The following ZNF423 variants were observed in gnomAD, a reference collection of about 807,000 sequenced individuals.
ZNF423 encodes the protein Ebf-associated zinc finger protein.
A neutral mutation model predicts 95.8 loss-of-function variants in ZNF423; 12 were observed. The observed-to-expected ratio is 0.13, with a 90% CI of 0.08 to 0.20. The LOEUF (loss-of-function observed/expected upper bound fraction) is 0.20, where lower values mean the gene tolerates loss of function less well. Ranked by LOEUF, ZNF423 falls within the 10% of genes least tolerant of loss-of-function variation. The pLI is 1.00. For synonymous variants in ZNF423, 749 were observed against 711.9 expected (o/e 1.05, Z -0.83); for missense variants, 1,316 against 1,737.1 (o/e 0.76, Z 4.31).
intron 5 of ZNF423, among the ~76,000 whole-genome samples, chr16:49,608,922 T>C (rs1971626961): frequency 6.6e-6 from 1 of 152,164 alleles, no homozygotes; most frequent in Non-Finnish European, 1.5e-5. Context: ...TTCCCATCCC[T>C]GTTAATGTGG....
chr16:49,854,464 G>A lies in ZNF423; in HGVS notation c.40+1271C>T, dbSNP rs1415197957. 4.1e-6 allele frequency: 4 copies of A among 985,322 alleles called. No homozygotes were observed. The African/African-American group carries it at 7.0e-5, about 17-fold the overall frequency. The allele number at this position is 985,322 out of a possible 1,614,324, so 61.0% of individuals were successfully genotyped here. A position where few individuals can be genotyped will look rare whatever the true frequency, so the allele number is the denominator to read the frequency against. On this transcript the variant is annotated intron_variant, in intron 1 of 7. Transcript: ENST00000563137. ...GAGCGGGGCCCCAGCGCCTTCCCGC[G>A]CAGGCCTCCAGGAAATGAACTTTTC...
chr16:49,575,848 A>G (rs7190527), intron 5 of ZNF423, among the ~76,000 whole-genome samples: 73,081 of 152,048 alleles, frequency 0.48, 17,938 homozygotes, highest in East Asian at 0.76. Flanking sequence ...CAGATGGTGT[A>G]GGTCACTGGC....
intron 1 of ZNF423, among the ~76,000 whole-genome samples, chr16:49,832,263 T>A (rs941854975): frequency 6.6e-6 from 1 of 152,230 alleles, no homozygotes; most frequent in Non-Finnish European, 1.5e-5. Flanking sequence ...CCAAGCCAGC[T>A]GACCGAGCTG....
chr16:49,756,047 A>T lies in ZNF423; in HGVS notation c.101-25076T>A, dbSNP rs371250756. On this transcript the variant is annotated intron_variant, in intron 2 of 7. Transcript: ENST00000563137. Reference sequence around the variant, plus strand: ...CAGACTGAAAGCCAGGCTGAGTCCAAGGTTCAGGTAGAAGAAATAGGGAGC... The same window carrying T: ...CAGACTGAAAGCCAGGCTGAGTCCATGGTTCAGGTAGAAGAAATAGGGAGC... Among the ~76,000 whole-genome samples, 4 of 152,344 alleles carry T rather than the reference A, an allele frequency of 2.6e-5. No homozygotes were observed. The South Asian group carries it at 8.3e-4, about 32-fold the overall frequency.
At chr16:49,559,541 C>T (rs1478793199) in intron 5 of ZNF423, among the ~76,000 whole-genome samples, 1 of 152,206 alleles carries the variant, frequency 6.6e-6, no homozygotes, top group Non-Finnish European at 1.5e-5. Context: ...TGACTTATCT[C>T]TGCCCCAAGA....
chr16:49,643,611 C>G (rs1305226972), intron 3 of ZNF423, among the ~76,000 whole-genome samples: 1 of 138,904 alleles, frequency 7.2e-6, no homozygotes, highest in Non-Finnish European at 1.5e-5. Flanking sequence ...AGTACAATGA[C>G]TAATGACAGA....
At chr16:49,839,265 C>A (rs375739879) in intron 1 of ZNF423, among the ~76,000 whole-genome samples, 6 of 152,206 alleles carry the variant, frequency 3.9e-5, no homozygotes, top group African/African-American at 1.2e-4. Flanking sequence ...TCTCGGCCCC[C>A]ACACCCAGAC....
At chr16:49,681,912 C>T (rs543157276) in intron 3 of ZNF423, among the ~76,000 whole-genome samples, 3 of 152,230 alleles carry the variant, frequency 2.0e-5, no homozygotes, top group African/African-American at 4.8e-5. Flanking sequence ...ACTACAGGCA[C>T]GCACCACCAT....
chr16:49,766,543 C>T (rs2033932465), intron 2 of ZNF423, among the ~76,000 whole-genome samples: 1 of 152,226 alleles, frequency 6.6e-6, no homozygotes. Flanking sequence ...GTCCCAGGCT[C>T]TGGGGGACTC....
intron 5 of ZNF423, among the ~76,000 whole-genome samples, chr16:49,599,445 T>C (rs1971286739): frequency 6.6e-6 from 1 of 152,120 alleles, no homozygotes; most frequent in African/African-American, 2.4e-5. Flanking sequence ...TTCACAAATG[T>C]ATAAACCAAG....
At chr16:49,852,113 G>A (rs1356738822) in intron 1 of ZNF423, among the ~76,000 whole-genome samples, 3 of 151,978 alleles carry the variant, frequency 2.0e-5, no homozygotes, top group Non-Finnish European at 2.9e-5. Context: ...GGAAACACGC[G>A]CAGTGTTCCC....
chr16:49,748,269 C>T lies in ZNF423; in HGVS notation c.101-17298G>A, dbSNP rs1214036539. Among the ~76,000 whole-genome samples the T allele has an allele frequency of 3.3e-5, 5 of 152,186 alleles. No homozygotes were observed. The South Asian group carries it at 1.0e-3, about 31-fold the overall frequency. On this transcript the variant is annotated intron_variant, in intron 2 of 7. Transcript: ENST00000563137. ...CATGCACATCATTCCATAAAGCAGACCTTCTTGGACAAGCCCCATTGCTGG... is the reference window on the plus strand; with the variant it reads ...CATGCACATCATTCCATAAAGCAGATCTTCTTGGACAAGCCCCATTGCTGG...
At chr16:49,592,475 G>C (rs1461525899) in intron 5 of ZNF423, among the ~76,000 whole-genome samples, 1 of 152,072 alleles carries the variant, frequency 6.6e-6, no homozygotes. Flanking sequence ...GGACCTATTC[G>C]ACCCCAGAGT....
Position 49,602,316 on chromosome 16 carries a change from C to G in ZNF423, c.3601+23854G>C, listed in dbSNP as rs553223983. 3.3e-5 allele frequency among the ~76,000 whole-genome samples: 5 copies of G among 152,322 alleles called. No homozygotes were observed. In the South Asian group the frequency reaches 1.0e-3, roughly 32 times the overall value. On this transcript the variant is annotated intron_variant, in intron 5 of 7. Coordinates refer to ENST00000563137, the MANE Select transcript of ZNF423 (RefSeq NM_001379286.1). ...CCCACACCCTCAGTTTTGCTGCCAG[C>G]CCCTGGAAGGCAGGGTGTGAGGAGG... is the stretch of plus-strand genomic sequence containing the variant.
intron 1 of ZNF423, among the ~76,000 whole-genome samples, chr16:49,794,160 C>T (rs912151787): frequency 2.0e-5 from 3 of 151,880 alleles, no homozygotes; most frequent in Admixed American, 6.5e-5. Context: ...CTCAGCCTCC[C>T]GAGCAGCTGG....
chr16:49,822,200 GTCTC>G (rs924980761), intron 1 of ZNF423, among the ~76,000 whole-genome samples: 26 of 149,174 alleles, frequency 1.7e-4, no homozygotes, highest in South Asian at 4.3e-4. Context: ...CTGAAATGGA[GTCTC>G]TCTCTGTTGC....
intron 3 of ZNF423, among the ~76,000 whole-genome samples, chr16:49,666,276 C>T (rs888226254): frequency 1.3e-5 from 2 of 152,196 alleles, no homozygotes; most frequent in Non-Finnish European, 2.9e-5. Flanking sequence ...CCCTACCATA[C>T]GTTACTGGGG....
At chr16:49,642,530 T>C (rs970474250) in intron 3 of ZNF423, among the ~76,000 whole-genome samples, 10 of 152,240 alleles carry the variant, frequency 6.6e-5, no homozygotes, top group African/African-American at 1.9e-4. Context: ...ATCATCTGAA[T>C]TGAAATGAAA....
At chr16:49,651,265 A>G in intron 3 of ZNF423, among the ~76,000 whole-genome samples, 2 of 150,396 alleles carry the variant, frequency 1.3e-5, no homozygotes, top group East Asian at 2.0e-4. Context: ...GCCTCAAGGG[A>G]TCCTCCTGCC....
Sources: gnomAD v4.1 joint callset for allele counts (sites outside exome capture counted in the v4.1 genomes callset) on GRCh38, gnomAD v4.1.1 for gene constraint, MANE v1.5 for transcripts, NCBI Gene and HGNC (gene_info 2026-07-23, HGNC 2026-07-21) for gene names.